Variants in STXBP4 observed in about 807,000 individuals in gnomAD.
The protein encoded by STXBP4 is syntaxin-binding protein 4.
In STXBP4, 55 loss-of-function variants were observed where a neutral mutation model predicts 76.1. The observed-to-expected ratio is 0.72, with a 90% CI of 0.58 to 0.91. The LOEUF (loss-of-function observed/expected upper bound fraction) is 0.91, where lower values mean the gene tolerates loss of function less well. Ranked by LOEUF, STXBP4 falls within the 40% of genes least tolerant of loss-of-function variation. STXBP4 has a pLI of 0.00. For missense variants in STXBP4, 618 were observed against 636.9 expected (o/e 0.97, Z 0.32); for synonymous variants, 201 against 220.2 (o/e 0.91, Z 0.77).
Position 55,166,072 on chromosome 17 carries a change from T to A in STXBP4, c.*6161T>A, listed in dbSNP as rs934410277. On this transcript the variant is annotated 3_prime_UTR_variant, in exon 18 of 18. Coordinates refer to ENST00000376352, the MANE Select transcript of STXBP4 (RefSeq NM_178509.6). ...AGAACTGCAAGTTGCCTGAGATTAATGTTGCTCAGGATCCATTTATTCCCT... is the reference window on the plus strand; with the variant it reads ...AGAACTGCAAGTTGCCTGAGATTAAAGTTGCTCAGGATCCATTTATTCCCT... The A allele has an allele frequency of 5.9e-5, 9 of 152,246 alleles. No individual in the cohort carries two copies. The highest frequency in any genetic ancestry group is 8.8e-5 in the Non-Finnish European group (6 of 68,058). 9.4% of individuals were successfully genotyped at this position (152,246 alleles called of 1,614,324 possible).
At chr17:55,023,945 A>G (rs2078365683) in intron 8 of STXBP4, among the ~76,000 whole-genome samples, 1 of 150,856 alleles carries the variant, frequency 6.6e-6, no homozygotes, top group African/African-American at 2.4e-5. Context: ...AAAAAAGAAA[A>G]CACTAGAGAA....
rs118094154 is a variant in STXBP4 at position 55,064,897 on chromosome 17, T to C, written c.1012-8003T>C. 3.2e-3 allele frequency among the ~76,000 whole-genome samples: 481 copies of C among 152,346 alleles called. 12 individuals are homozygous for C. The highest frequency in any genetic ancestry group is 0.025 in the East Asian group (131 of 5,188). On this transcript the variant is annotated intron_variant, in intron 12 of 17. Transcript: ENST00000376352. ...AGTTCATTCCTAGTCATATTTCAGA[T>C]ATATATTTACCTAGATCCCTGTAAT... is the stretch of plus-strand genomic sequence containing the variant.
At chr17:55,197,615 C>A in the STXBP4 span, among the ~76,000 whole-genome samples, 1 of 152,108 alleles carries the variant, frequency 6.6e-6, no homozygotes, top group Non-Finnish European at 1.5e-5. Context: ...TGGTGGCATG[C>A]ACCTGTAGTC....
At chr17:55,097,805 T>C (rs1271271717) in intron 16 of STXBP4, among the ~76,000 whole-genome samples, 1 of 152,172 alleles carries the variant, frequency 6.6e-6, no homozygotes, top group Non-Finnish European at 1.5e-5. Context: ...CGCTATAAGG[T>C]TCCAATGCCA....
chr17:55,080,864 G>A (rs1423299668), intron 15 of STXBP4, among the ~76,000 whole-genome samples, 186 bp from the exon 16 acceptor site: 1 of 152,004 alleles, frequency 6.6e-6, no homozygotes, highest in African/African-American at 2.4e-5. Flanking sequence ...TACTTATTAT[G>A]TCGTAAATAA....
At chr17:55,086,293 G>A (rs2079327582) in intron 16 of STXBP4, among the ~76,000 whole-genome samples, 1 of 151,926 alleles carries the variant, frequency 6.6e-6, no homozygotes, top group Admixed American at 6.6e-5. Flanking sequence ...TTGTATGTAT[G>A]CATGGGGTAC....
At chr17:55,199,068 A>T in the STXBP4 span, among the ~76,000 whole-genome samples, 1 of 152,262 alleles carries the variant, frequency 6.6e-6, no homozygotes, top group African/African-American at 2.4e-5. Flanking sequence ...AGACTTTGAG[A>T]TGCTGATAGA....
chr17:55,075,095 C>A (rs888378602), intron 13 of STXBP4, among the ~76,000 whole-genome samples: 3 of 151,766 alleles, frequency 2.0e-5, no homozygotes, highest in African/African-American at 7.3e-5. Flanking sequence ...AGAAATAAAA[C>A]ATTACTAGTA....
intron 16 of STXBP4, among the ~76,000 whole-genome samples, chr17:55,131,433 G>A (rs184141820): frequency 5.4e-4 from 83 of 152,336 alleles, no homozygotes; most frequent in African/African-American, 2.0e-3. Flanking sequence ...TAATTTCTCT[G>A]TCAGTTTTGA....
At chr17:54,982,839 A>G (rs1001601144) in intron 1 of STXBP4, among the ~76,000 whole-genome samples, 1 of 152,210 alleles carries the variant, frequency 6.6e-6, no homozygotes, top group African/African-American at 2.4e-5. Flanking sequence ...TATATAAAAG[A>G]GATAACACAT....
chr17:54,990,368 T>C (rs915259339), intron 3 of STXBP4, among the ~76,000 whole-genome samples: 35 of 152,114 alleles, frequency 2.3e-4, no homozygotes, highest in African/African-American at 8.2e-4. Context: ...AATGGCGGCA[T>C]TCAATGCTCA....
the STXBP4 span, among the ~76,000 whole-genome samples, chr17:55,179,254 T>C: frequency 6.6e-6 from 1 of 152,208 alleles, no homozygotes; most frequent in Middle Eastern, 3.4e-3. Context: ...TGGGGAAAAG[T>C]GGAAATATAT....
downstream of STXBP4, among the ~76,000 whole-genome samples, chr17:55,176,069 G>A (rs773051906): frequency 3.9e-5 from 6 of 152,120 alleles, no homozygotes; most frequent in Non-Finnish European, 8.8e-5. Context: ...GATGAGTATG[G>A]GTGAGTAAAC....
chr17:55,084,025 T>G (rs2079291839), intron 16 of STXBP4, among the ~76,000 whole-genome samples: 1 of 152,308 alleles, frequency 6.6e-6, no homozygotes, highest in Admixed American at 6.5e-5. Flanking sequence ...CAAATGGTAT[T>G]TCTAGTTCTA....
intron 8 of STXBP4, among the ~76,000 whole-genome samples, chr17:55,015,985 G>A (rs1482976371): frequency 6.6e-6 from 1 of 152,184 alleles, no homozygotes; most frequent in Non-Finnish European, 1.5e-5. Context: ...TCATGGCCAG[G>A]CAGTACTGCA....
In STXBP4 at chr17:54,996,345, G is replaced by A. The variant is rs534653472; in HGVS notation, c.181-3000G>A. ...CTGAGAGTAGAATGAAGAATATGCT[G>A]GTGTGGAAGGTGGATGATGAAGCTA... On this transcript the variant is annotated intron_variant, in intron 4 of 17. Transcript: ENST00000376352. Among the ~76,000 whole-genome samples the A allele has an allele frequency of 2.9e-4, 44 of 151,464 alleles. 1 individual carries two copies. The highest frequency in any genetic ancestry group is 6.8e-3 in the Middle Eastern group (2 of 294).
chr17:55,139,542 T>C (rs1231206800), intron 16 of STXBP4, among the ~76,000 whole-genome samples: 1 of 152,116 alleles, frequency 6.6e-6, no homozygotes. Flanking sequence ...GGCTTGTCAG[T>C]GATGAATGAA....
chr17:55,055,672 C>T (rs181292875), intron 12 of STXBP4, among the ~76,000 whole-genome samples: 89 of 152,256 alleles, frequency 5.8e-4, no homozygotes, highest in Admixed American at 4.8e-3. Context: ...CCTACATGAC[C>T]TGCTGTCCTT....
the STXBP4 span, among the ~76,000 whole-genome samples, chr17:55,202,371 GACCTGTTACC>G: frequency 1.3e-5 from 2 of 151,700 alleles, no homozygotes; most frequent in South Asian, 4.2e-4. Context: ...AAACAGGTAG[GACCTGTTACC>G]ACAGGTATTA....
Sources: allele counts gnomAD v4.1 joint callset (sites outside exome capture counted in the v4.1 genomes callset), GRCh38; gene constraint gnomAD v4.1.1; transcripts MANE v1.5; gene names NCBI Gene and HGNC (gene_info 2026-07-23, HGNC 2026-07-21).